The following CDH23 variants were observed in gnomAD, a reference collection of about 807,000 sequenced individuals.
The protein encoded by CDH23 is cadherin related 23, also known as cadherin-23.
A neutral mutation model predicts 317.1 loss-of-function variants in CDH23; 189 were observed. The observed-to-expected ratio is 0.60, with a 90% CI of 0.53 to 0.67. The LOEUF is 0.67. Ranked by LOEUF, CDH23 falls within the 30% of genes least tolerant of loss-of-function variation. CDH23 has a pLI of 0.00. For synonymous variants in CDH23, 1,839 were observed against 1,876.8 expected, an observed-to-expected ratio of 0.98 and a Z score of 0.52; for missense variants, 4,401 against 4,592.4, an observed-to-expected ratio of 0.96 and a Z score of 1.20.
intron 6 of CDH23, among the ~76,000 whole-genome samples, chr10:71,559,427 G>T (rs1419573120): frequency 6.6e-6 from 1 of 152,160 alleles, no homozygotes; most frequent in African/African-American, 2.4e-5. Flanking sequence ...GACTAAAGAG[G>T]TATCCAAGGT....
At chr10:71,681,493 C>T (rs1015069675) in intron 17 of CDH23, among the ~76,000 whole-genome samples, 11 of 152,160 alleles carry the variant, frequency 7.2e-5, no homozygotes, top group African/African-American at 2.4e-4. Flanking sequence ...TAGGGTTCTT[C>T]GCCCACCTCT....
At chr10:71,684,902 T>C (rs1864812298) in intron 18 of CDH23, among the ~76,000 whole-genome samples, 1 of 152,158 alleles carries the variant, frequency 6.6e-6, no homozygotes, top group Admixed American at 6.5e-5. Context: ...TGTGCTGAGC[T>C]CCAGGAACGT....
At position 71,799,605 on chromosome 10, in the gene CDH23, C is replaced by A. The variant is rs1434506979; in HGVS notation, c.7338C>A (p.Ser2446Arg). 1 of 1,613,940 alleles carries A rather than the reference C, an allele frequency of 6.2e-7. No individual in the cohort carries two copies. The highest frequency in any genetic ancestry group is 1.3e-5 in the African/African-American group (1 of 74,940). ...LIEYSLGDGESKFAINPTTGD... is the reference protein window; with the variant it reads ...LIEYSLGDGERKFAINPTTGD... The stretch of plus-strand genomic sequence containing the variant: ...AGTACAGCCTTGGAGATGGAGAGAG[C>A]AAGTTTGCCATCAACCCCACCACGG... Residue 2446 changes from serine (S) to arginine (R), a missense_variant, in exon 52 of 70, where the codon AGC (serine) becomes AGA (arginine). Around this residue, in one of 3 missense-constraint regions of CDH23, gnomAD observed 189 missense variants for 250.9 expected, o/e 0.75. Coordinates refer to ENST00000224721, the MANE Select transcript of CDH23 (RefSeq NM_022124.6).
At chr10:71,669,851 C>T (rs973702450) in intron 14 of CDH23, among the ~76,000 whole-genome samples, 1 of 151,992 alleles carries the variant, frequency 6.6e-6, no homozygotes, top group Non-Finnish European at 1.5e-5. Flanking sequence ...AAAAATATTA[C>T]TAGGCCGGGC....
Position 71,799,353 on chromosome 10 carries a change from C to G in CDH23, c.7224+73C>G, listed in dbSNP as rs1841493498. 1.9e-6 allele frequency: 3 copies of G among 1,607,666 alleles called. No individual in the cohort carries two copies. In the South Asian group the frequency reaches 3.3e-5, roughly 18 times the overall value. On this transcript the variant is annotated intron_variant, in intron 51 of 69. Transcript: ENST00000224721. Reference sequence around the variant, plus strand: ...TGGGGTCTTTGGGCATCTTCCTCTCCCACCCTGCCAGCCTCTAAGCCCCCT... The same window carrying G: ...TGGGGTCTTTGGGCATCTTCCTCTCGCACCCTGCCAGCCTCTAAGCCCCCT...
chr10:71,741,100 C>A, intron 37 of CDH23, 150 bp downstream of exon 37: 1 of 846,504 alleles, frequency 1.2e-6, no homozygotes. Context: ...AGTGATAGCC[C>A]TAACGCCTAG....
chr10:71,515,394 T>TCTCTCTCTCTCTCTCTCACA (rs1491490493), intron 6 of CDH23, among the ~76,000 whole-genome samples: 18 of 26,694 alleles, frequency 6.7e-4, no homozygotes, highest in African/African-American at 1.4e-3. Context: ...TCTCTCTCTC[T>TCTCTCTCTCTCTCTCTCACA]CACACACACA....
rs765636141 is a variant in CDH23 at position 71,797,152 on chromosome 10, A to G, written c.6761A>G (p.Tyr2254Cys). ...SPMNRELVAT[Y>C]EVTLSVIDNA... ...ATGAATCGGGAGCTGGTTGCCACCT[A>G]TGAGGTCACTCTCTCAGTGATTGAC... The change falls in exon 49 of 70, where the codon TAT (tyrosine) becomes TGT (cysteine). Residue 2254 changes from tyrosine (Y) to cysteine (C), a missense_variant. Physicochemically the swap from Tyr to Cys is radical, Grantham distance 194. This residue lies in a region of CDH23 where 3,068 missense variants were observed against 3,203.3 expected (regional missense o/e 0.96). Coordinates refer to ENST00000224721, the MANE Select transcript of CDH23 (RefSeq NM_022124.6). 2 of 1,613,708 alleles carry G rather than the reference A, an allele frequency of 1.2e-6. No homozygotes were observed. The highest frequency in any genetic ancestry group is 1.7e-6 in the Non-Finnish European group (2 of 1,179,790).
intron 14 of CDH23, among the ~76,000 whole-genome samples, chr10:71,660,804 T>C (rs1665621): frequency 0.38 from 58,142 of 151,738 alleles, 11,594 homozygotes; most frequent in South Asian, 0.56. Flanking sequence ...TTTGGAAGTG[T>C]GGGTGGTGAT....
intron 1 of CDH23, among the ~76,000 whole-genome samples, chr10:71,403,090 C>A (rs972211926): frequency 1.1e-4 from 17 of 152,126 alleles, no homozygotes; most frequent in Non-Finnish European, 2.1e-4. Context: ...CCACTGCACT[C>A]CAGCCTGGGC....
In CDH23 at chr10:71,807,418, C is replaced by T; in HGVS notation, c.8308+12C>T. ...CTACTTCATCGCAGGTGGGGCCAGA[C>T]AGAGCTAGTGCCCTGATTACCCTGG... On this transcript the variant is annotated intron_variant, in intron 58 of 69. Coordinates refer to ENST00000224721, the MANE Select transcript of CDH23 (RefSeq NM_022124.6). 8 of 1,613,784 alleles carry T rather than the reference C, an allele frequency of 5.0e-6. No homozygotes were observed. Among genetic ancestry groups the T allele is most frequent in the Non-Finnish European group, 6.8e-6 (8 of 1,179,768 alleles).
chr10:71,766,408 G>C (rs895510819), intron 38 of CDH23, among the ~76,000 whole-genome samples: 10 of 152,110 alleles, frequency 6.6e-5, no homozygotes, highest in Non-Finnish European at 1.0e-4. Context: ...GCCACCTAGA[G>C]GAAGAGTGCC....
Position 71,679,552 on chromosome 10 carries a change from T to G in CDH23, c.1858+60T>G, listed in dbSNP as rs1864525076. 3 of 1,278,906 alleles carry G rather than the reference T, an allele frequency of 2.3e-6. No homozygotes were observed. The Admixed American group carries it at 5.9e-5, about 25-fold the overall frequency. 79.2% of individuals were successfully genotyped at this position (1,278,906 alleles called of 1,614,324 possible). On this transcript the variant is annotated intron_variant, in intron 17 of 69. Coordinates refer to ENST00000224721, the MANE Select transcript of CDH23 (RefSeq NM_022124.6). The stretch of plus-strand genomic sequence containing the variant: ...AGGAGGGCTGGGGGGCTCTCTGCAC[T>G]CACACCTCCCTTGTGGGGATGAGGC...
chr10:71,639,022 G>T (rs1027876747), intron 11 of CDH23, among the ~76,000 whole-genome samples: 2 of 152,216 alleles, frequency 1.3e-5, no homozygotes. Flanking sequence ...GACCGGCAGG[G>T]AGCCAGGAGG....
intron 6 of CDH23, among the ~76,000 whole-genome samples, chr10:71,550,979 CA>C (rs1259443861): frequency 2.6e-5 from 4 of 152,240 alleles, no homozygotes; most frequent in African/African-American, 9.6e-5. Flanking sequence ...TTCCTCGCAG[CA>C]GAAAACATAT....
chr10:71,480,132 T>A (rs1245121022), intron 3 of CDH23, among the ~76,000 whole-genome samples: 4 of 152,086 alleles, frequency 2.6e-5, no homozygotes, highest in Non-Finnish European at 5.9e-5. Flanking sequence ...GTGACACAGG[T>A]CATTTCCTCC....
Position 71,612,357 on chromosome 10 carries a change from T to C in CDH23, c.833-3147T>C, listed in dbSNP as rs888043634. Among the ~76,000 whole-genome samples, 8 of 152,006 alleles carry C rather than the reference T, an allele frequency of 5.3e-5. No individual in the cohort carries two copies. The South Asian group carries it at 8.3e-4, about 16-fold the overall frequency. On this transcript the variant is annotated intron_variant, in intron 9 of 69. Transcript: ENST00000224721. ...AGGTCGGGGCATGGGGTGTCTTATG[T>C]GCTGGGGACAGATGCCGGGTTTGGA...
At chr10:71,413,367 T>G (rs866782376) in intron 1 of CDH23, among the ~76,000 whole-genome samples, 2 of 152,238 alleles carry the variant, frequency 1.3e-5, no homozygotes, top group South Asian at 4.1e-4. Context: ...TCCACCTTTT[T>G]GATCACTGTA....
At chr10:71,461,625 C>T (rs1850990341) in intron 3 of CDH23, among the ~76,000 whole-genome samples, 1 of 152,234 alleles carries the variant, frequency 6.6e-6, no homozygotes, top group African/African-American at 2.4e-5. Flanking sequence ...CATCTCCATG[C>T]ACGGTCCATC....
Sources: gnomAD v4.1 joint callset for allele counts (sites outside exome capture counted in the v4.1 genomes callset) on GRCh38, gnomAD v4.1.1 for gene constraint, gnomAD v4.1.1 regional missense constraint, MANE v1.5 for transcripts, NCBI Gene and HGNC (gene_info 2026-07-23, HGNC 2026-07-21) for gene names.